Variants in ARMC2 observed in about 807,000 individuals in gnomAD.
ARMC2 encodes armadillo repeat-containing protein 2.
ARMC2 carries 67 observed loss-of-function variants against 90.3 expected under a neutral mutation model. The observed-to-expected ratio is 0.74, with a 90% CI of 0.61 to 0.91. The LOEUF is 0.91. Among genes scored for constraint, ARMC2 ranks in the 40% least tolerant of loss-of-function variants. The pLI, the probability that ARMC2 is intolerant of heterozygous loss-of-function variation, is 0.00. For missense variants in ARMC2, 920 were observed against 1,030.9 expected (o/e 0.89, Z 1.47); for synonymous variants, 393 against 393.0 (o/e 1.00, Z 0.00).
intron 6 of ARMC2, among the ~76,000 whole-genome samples, chr6:108,897,177 TAG>T (rs1771689368): frequency 6.6e-6 from 1 of 152,200 alleles, no homozygotes; most frequent in Non-Finnish European, 1.5e-5. Flanking sequence ...GGAAGTCAGT[TAG>T]AGTCTTGGTT....
chr6:108,977,846 C>T (rs768678088), downstream of ARMC2, among the ~76,000 whole-genome samples: 20 of 151,974 alleles, frequency 1.3e-4, no homozygotes, highest in Admixed American at 5.2e-4. Flanking sequence ...GTGGTGATAT[C>T]CCCTTTATCA....
chr6:109,028,877 T>C, the ARMC2 span, among the ~76,000 whole-genome samples: 2 of 151,964 alleles, frequency 1.3e-5, no homozygotes, highest in Non-Finnish European at 2.9e-5. Context: ...GCTGAAGAAA[T>C]GAAAAAATGG....
At chr6:108,956,326 A>G (rs1777580621) in intron 13 of ARMC2, among the ~76,000 whole-genome samples, 1 of 152,192 alleles carries the variant, frequency 6.6e-6, no homozygotes, top group Non-Finnish European at 1.5e-5. Flanking sequence ...TGAGCTTAGA[A>G]ATTACATTTC....
chr6:108,890,145 C>G (rs1371676246), intron 5 of ARMC2, among the ~76,000 whole-genome samples: 2 of 133,132 alleles, frequency 1.5e-5, no homozygotes, highest in South Asian at 2.4e-4. Context: ...AGCCGAGATC[C>G]CGCCACTGCA....
chr6:108,914,760 A>T (rs1773780004), intron 10 of ARMC2, among the ~76,000 whole-genome samples: 1 of 152,178 alleles, frequency 6.6e-6, no homozygotes, highest in South Asian at 2.1e-4. Flanking sequence ...TGTATCATAC[A>T]AATGATAAAA....
chr6:108,925,127 G>A (rs570915428), intron 10 of ARMC2, among the ~76,000 whole-genome samples: 1 of 152,272 alleles, frequency 6.6e-6, no homozygotes, highest in South Asian at 2.1e-4. Flanking sequence ...TTGTTAACAC[G>A]GAAGAGGAAG....
intron 10 of ARMC2, among the ~76,000 whole-genome samples, chr6:108,923,625 T>C (rs1353635339): frequency 6.6e-6 from 1 of 151,536 alleles, no homozygotes; most frequent in Non-Finnish European, 1.5e-5. Context: ...ACCCTTTTTT[T>C]TTTTTTTTTC....
At chr6:108,894,232 G>A (rs1771374302) in intron 5 of ARMC2, among the ~76,000 whole-genome samples, 1 of 152,140 alleles carries the variant, frequency 6.6e-6, no homozygotes, top group Admixed American at 6.5e-5. Context: ...CAGGCATAGT[G>A]GCATGTGCCT....
intron 5 of ARMC2, among the ~76,000 whole-genome samples, chr6:108,876,615 G>T (rs1582985987): frequency 6.6e-6 from 1 of 152,254 alleles, no homozygotes; most frequent in African/African-American, 2.4e-5. Context: ...GATTTAGTTG[G>T]ACTATTCCAG....
intron 6 of ARMC2, among the ~76,000 whole-genome samples, chr6:108,897,646 G>A (rs1397908666): frequency 6.6e-6 from 1 of 152,014 alleles, no homozygotes; most frequent in Admixed American, 6.6e-5. Context: ...ATAATGGGAA[G>A]GCCTGTGTGT....
the ARMC2 span, among the ~76,000 whole-genome samples, chr6:109,027,271 G>A: frequency 1.3e-5 from 2 of 151,234 alleles, no homozygotes; most frequent in Middle Eastern, 3.2e-3. Context: ...TCAGGAGTTC[G>A]AGACCAGTCT....
At chr6:108,851,418 TACC>T (rs889614296) in intron 1 of ARMC2, among the ~76,000 whole-genome samples, 1 of 152,236 alleles carries the variant, frequency 6.6e-6, no homozygotes, top group Middle Eastern at 3.2e-3. Context: ...CATCAGTTTC[TACC>T]TTGTATTTAA....
chr6:108,926,448 G>A (rs558532395), intron 10 of ARMC2, among the ~76,000 whole-genome samples: 45 of 152,196 alleles, frequency 3.0e-4, no homozygotes, highest in Non-Finnish European at 6.2e-4. Context: ...TTCCTGGCTG[G>A]GCGCAGTGGC....
chr6:108,976,602 GC>G (rs547039214), downstream of ARMC2, among the ~76,000 whole-genome samples: 126 of 152,224 alleles, frequency 8.3e-4, no homozygotes, highest in African/African-American at 2.9e-3. Flanking sequence ...GGGCAGTATG[GC>G]CATTTTGACG....
In ARMC2 at chr6:108,936,912, T is replaced by G; in HGVS notation, c.1509T>G (p.Ser503=). Reference sequence around the variant, plus strand: ...GGCATTTCTGCAGCAAACTTACTTCTTACCGTGACTGCTGCACAGCCTTGG... The same window carrying G: ...GGCATTTCTGCAGCAAACTTACTTCGTACCGTGACTGCTGCACAGCCTTGG... ...NIARIFSKLT[S]YRDCCTALAS... The change falls in exon 12 of 18, where the codon TCT becomes TCG. Residue 503 remains serine, a synonymous_variant. Coordinates refer to ENST00000392644, the MANE Select transcript of ARMC2 (RefSeq NM_032131.6). 2 of 1,597,088 alleles carry G rather than the reference T, an allele frequency of 1.3e-6. No homozygotes were observed. Among genetic ancestry groups the G allele is most frequent in the Non-Finnish European group, 1.7e-6 (2 of 1,170,830 alleles).
chr6:108,986,493 C>T, the ARMC2 span: 1 of 152,610 alleles, frequency 6.6e-6, no homozygotes, highest in Admixed American at 6.5e-5. Flanking sequence ...TGACAGACTT[C>T]AAAAGCAATT....
At chr6:109,013,967 A>AG in the ARMC2 span, among the ~76,000 whole-genome samples, 1 of 149,356 alleles carries the variant, frequency 6.7e-6, no homozygotes, top group South Asian at 2.1e-4. Context: ...AGATCCTTTT[A>AG]GCACTGAACT....
chr6:108,893,891 G>T (rs1037980106), intron 5 of ARMC2, among the ~76,000 whole-genome samples: 1 of 152,220 alleles, frequency 6.6e-6, no homozygotes, highest in Non-Finnish European at 1.5e-5. Flanking sequence ...GGTGGCATGT[G>T]CCTGTAATCC....
intron 5 of ARMC2, among the ~76,000 whole-genome samples, chr6:108,881,296 C>CTTCCTTCCTTCCTTCCTTCCTT (rs1554239378): frequency 2.6e-5 from 2 of 78,234 alleles, no homozygotes; most frequent in African/African-American, 5.2e-5. Flanking sequence ...CCCTCCCCTC[C>CTTCCTTCCTTCCTTCCTTCCTT]CCTTCCTTCC....
Sources: gnomAD v4.1 joint callset for allele counts (sites outside exome capture counted in the v4.1 genomes callset) on GRCh38, gnomAD v4.1.1 for gene constraint, MANE v1.5 for transcripts, NCBI Gene and HGNC (gene_info 2026-07-23, HGNC 2026-07-21) for gene names.